PDE9A: variants seen among roughly 807,000 people sequenced by gnomAD.
PDE9A encodes high affinity cGMP-specific 3',5'-cyclic phosphodiesterase 9A.
Under a neutral mutation model 87.4 loss-of-function variants are expected in PDE9A, and 60 were observed. That is an observed-to-expected ratio of 0.69 (90% confidence interval 0.56 to 0.85). PDE9A has a LOEUF of 0.85. Ranked by LOEUF, PDE9A falls within the 40% of genes least tolerant of loss-of-function variation. The probability of loss-of-function intolerance (pLI) is 0.00; values close to 1 mark genes in which losing one functional copy is unlikely to be tolerated. For missense variants in PDE9A, 665 were observed against 779.0 expected (o/e 0.85, Z 1.74); for synonymous variants, 272 against 279.4 (o/e 0.97, Z 0.27).
intron 7 of PDE9A, among the ~76,000 whole-genome samples, chr21:42,743,364 T>C (rs1448206221): frequency 6.6e-6 from 1 of 152,266 alleles, no homozygotes; most frequent in Non-Finnish European, 1.5e-5. Context: ...GTTCACTGCA[T>C]TTTAATGCTC....
chr21:42,724,724 G>T (rs1407814273), intron 4 of PDE9A: 14 of 423,086 alleles, frequency 3.3e-5, no homozygotes, highest in Non-Finnish European at 4.1e-5. Context: ...TAGCTGACAT[G>T]CTGGCCTGGG....
At position 42,760,627 on chromosome 21, in the gene PDE9A, A is replaced by G. The variant is rs1186662165; in HGVS notation, c.1002+195A>G. 6.6e-6 allele frequency among the ~76,000 whole-genome samples: 1 copy of G among 151,824 alleles called. No individual in the cohort carries two copies. The highest frequency in any genetic ancestry group is 1.5e-5 in the Non-Finnish European group (1 of 67,946). ...GGGCGAGGCTGCTCCTAGGATTACG[A>G]GAGCAGGTGAGTCCCCGACCTGGTC... On this transcript the variant is annotated intron_variant, in intron 12 of 19. Coordinates refer to ENST00000291539, the MANE Select transcript of PDE9A (RefSeq NM_002606.3). The surrounding 1 kb of genome is among the most constrained non-coding windows in gnomAD (Gnocchi z 5.2).
At chr21:42,761,463 C>G (rs74950130) in intron 13 of PDE9A, among the ~76,000 whole-genome samples, 2,580 of 152,364 alleles carry the variant, frequency 0.017, 41 homozygotes, top group South Asian at 0.047. Context: ...GCACAGAGTT[C>G]CGCCCCATGT....
At chr21:42,656,583 A>G (rs1007932248) in intron 1 of PDE9A, among the ~76,000 whole-genome samples, 1 of 128,304 alleles carries the variant, frequency 7.8e-6, no homozygotes, top group Non-Finnish European at 1.6e-5. Context: ...CGCTGCAGCC[A>G]CTTGGCGCCA....
chr21:42,670,296 C>A (rs1437800141), intron 1 of PDE9A, among the ~76,000 whole-genome samples: 1 of 145,160 alleles, frequency 6.9e-6, no homozygotes, highest in East Asian at 2.0e-4. Context: ...TACACATTCA[C>A]ACACATACAC....
intron 8 of PDE9A, among the ~76,000 whole-genome samples, chr21:42,749,453 C>G (rs1237347480): frequency 6.6e-6 from 1 of 152,168 alleles, no homozygotes; most frequent in Admixed American, 6.5e-5. Flanking sequence ...CCAAGAGCAG[C>G]CAGACCTCCT....
chr21:42,745,139 G>A lies in PDE9A; in HGVS notation c.653+1279G>A, dbSNP rs984696569. Among the ~76,000 whole-genome samples the A allele has an allele frequency of 4.6e-5, 7 of 152,236 alleles. No homozygotes were observed. The South Asian group carries it at 6.2e-4, about 14-fold the overall frequency. On this transcript the variant is annotated intron_variant, in intron 8 of 19. Coordinates refer to ENST00000291539, the MANE Select transcript of PDE9A (RefSeq NM_002606.3). ...AGGGCAATCTGCTTATTGAGGAAGCGTGGCAAGTGAAAGGGTCTCAGAGGC... is the reference window on the plus strand; with the variant it reads ...AGGGCAATCTGCTTATTGAGGAAGCATGGCAAGTGAAAGGGTCTCAGAGGC...
chr21:42,720,882 G>C lies in PDE9A; in HGVS notation c.263-10888G>C, dbSNP rs552496025. Among the ~76,000 whole-genome samples the C allele has an allele frequency of 1.6e-4, 24 of 152,002 alleles. No homozygotes were observed. In the South Asian group the frequency reaches 4.8e-3, roughly 30 times the overall value. On this transcript the variant is annotated intron_variant, in intron 4 of 19. Transcript: ENST00000291539. ...TAGCCCGGCGTGGTGGTGCATGTCT[G>C]TTAACCCAGCTGCTCGGGAGGCTGA...
At chr21:42,731,672 C>A (rs1602322978) in intron 4 of PDE9A, 98 bp from the exon 5 acceptor site, 2 of 1,214,592 alleles carry the variant, frequency 1.6e-6, no homozygotes, top group East Asian at 2.3e-5. Flanking sequence ...ACGTGCCTTG[C>A]ACTCACTTTG....
chr21:42,722,399 T>G lies in PDE9A; in HGVS notation c.263-9371T>G, dbSNP rs867539591. ...ACAAGGTGAAACATGGCTCATTGCA[T>G]CATATTAATAGCATGCAAATCTAAG... is the stretch of plus-strand genomic sequence containing the variant. On this transcript the variant is annotated intron_variant, in intron 4 of 19. Coordinates refer to ENST00000291539, the MANE Select transcript of PDE9A (RefSeq NM_002606.3). The surrounding 1 kb of genome is among the most constrained non-coding windows in gnomAD (Gnocchi z 4.1). Among the ~76,000 whole-genome samples, 39 of 152,324 alleles carry G rather than the reference T, an allele frequency of 2.6e-4. No individual in the cohort carries two copies. Among genetic ancestry groups the G allele is most frequent in the African/African-American group, 8.2e-4 (34 of 41,562 alleles).
intron 6 of PDE9A, 150 bp from the exon 7 acceptor site, chr21:42,733,206 C>A: frequency 1.6e-6 from 1 of 617,198 alleles, no homozygotes. Flanking sequence ...AAAGCAAGTC[C>A]TAGCATGTTG....
rs1471651795 is a variant in PDE9A, at chr21:42,695,508, G to A, written c.219-3460G>A. Among the ~76,000 whole-genome samples, 1 of 152,210 alleles carries A rather than the reference G, an allele frequency of 6.6e-6. No homozygotes were observed. Among genetic ancestry groups the A allele is most frequent in the African/African-American group, 2.4e-5 (1 of 41,444 alleles). Reference sequence around the variant, plus strand: ...ACAGAGGGGAGAGGGCCAGAGGACGGCGCCGTGCGACACACACCATTGCTC... The same window carrying A: ...ACAGAGGGGAGAGGGCCAGAGGACGACGCCGTGCGACACACACCATTGCTC... On this transcript the variant is annotated intron_variant, in intron 3 of 19. Transcript: ENST00000291539. The surrounding 1 kb of genome is among the most constrained non-coding windows in gnomAD (Gnocchi z 4.3).
rs2058422840 is a variant in PDE9A at position 42,670,371 on chromosome 21, CACACACATTCACATTTACATTCACAA to C, written c.70-15817_70-15792del. Among the ~76,000 whole-genome samples, 3 of 134,234 alleles carry C rather than the reference CACACACATTCACATTTACATTCACAA, an allele frequency of 2.2e-5. No homozygotes were observed. The East Asian group carries it at 6.4e-4, about 29-fold the overall frequency. The allele number at this position is 134,234 out of a possible 152,430, so 88.1% of individuals were successfully genotyped here. A position where few individuals can be genotyped will look rare whatever the true frequency, so the allele number is the denominator to read the frequency against. On this transcript the variant is annotated intron_variant, in intron 1 of 19. Transcript: ENST00000291539. The stretch of plus-strand genomic sequence containing the variant: ...TTACACACACATCCACACACACATT[CACACACATTCACATTTACATTCACAA>C]ACATTCACACATACATTCACACGCA...
intron 4 of PDE9A, among the ~76,000 whole-genome samples, chr21:42,711,542 A>C (rs750819132): frequency 5.3e-5 from 8 of 151,978 alleles, no homozygotes; most frequent in Non-Finnish European, 1.0e-4. Flanking sequence ...AGGCCCCCCA[A>C]ATTGCTAGGA....
chr21:42,754,946 C>A (rs1212351837), intron 10 of PDE9A, among the ~76,000 whole-genome samples: 1 of 152,074 alleles, frequency 6.6e-6, no homozygotes, highest in Non-Finnish European at 1.5e-5. Context: ...ATAAGCTGGG[C>A]AACATAGCAA....
rs1376991808 is a variant in PDE9A at position 42,694,608 on chromosome 21, A to G, written c.219-4360A>G. On this transcript the variant is annotated intron_variant, in intron 3 of 19. Coordinates refer to ENST00000291539, the MANE Select transcript of PDE9A (RefSeq NM_002606.3). The surrounding 1 kb of genome is among the most constrained non-coding windows in gnomAD (Gnocchi z 5.3). ...AATTGTTGCATTGGATTATTCTTTC[A>G]AAATACTCCTTGCCTTAATGCCATC... Among the ~76,000 whole-genome samples the G allele has an allele frequency of 6.6e-6, 1 of 152,114 alleles. No individual in the cohort carries two copies. The highest frequency in any genetic ancestry group is 2.4e-5 in the African/African-American group (1 of 41,398).
chr21:42,769,571 CACACAT>C (rs1354854819), intron 17 of PDE9A, among the ~76,000 whole-genome samples: 45 of 127,076 alleles, frequency 3.5e-4, no homozygotes, highest in African/African-American at 1.4e-3. Context: ...CACACACACA[CACACAT>C]GCACACAGGT....
intron 1 of PDE9A, among the ~76,000 whole-genome samples, chr21:42,661,413 C>T (rs1275472766): frequency 6.6e-6 from 1 of 150,504 alleles, no homozygotes; most frequent in Non-Finnish European, 1.5e-5. Flanking sequence ...AGCCCCTGAC[C>T]CCCACTGTAC....
chr21:42,701,921 T>C (rs2048418253), intron 4 of PDE9A, among the ~76,000 whole-genome samples: 1 of 152,240 alleles, frequency 6.6e-6, no homozygotes, highest in Admixed American at 6.5e-5. Flanking sequence ...TTAAGATGTT[T>C]TCTTTATCAC....
Sources: gnomAD v4.1 joint callset for allele counts (sites outside exome capture counted in the v4.1 genomes callset) on GRCh38, gnomAD v4.1.1 for gene constraint, Gnocchi (gnomAD v3.1) non-coding constraint, MANE v1.5 for transcripts, NCBI Gene and HGNC (gene_info 2026-07-23, HGNC 2026-07-21) for gene names.